The following TMTC1 variants were observed in gnomAD, a reference collection of about 807,000 sequenced individuals.
The protein encoded by TMTC1 is transmembrane O-mannosyltransferase targeting cadherins 1, also known as protein O-mannosyl-transferase TMTC1.
Under a neutral mutation model 104.8 loss-of-function variants are expected in TMTC1, and 73 were observed. The ratio of observed to expected loss-of-function variants is 0.70; its 90% confidence interval spans 0.58 to 0.85. TMTC1 has a LOEUF of 0.85. TMTC1 is among the 40% of genes least tolerant of loss of function. TMTC1 has a pLI of 0.00. For missense variants in TMTC1, 1,035 were observed against 1,096.1 expected (o/e 0.94, Z 0.79); for synonymous variants, 434 against 428.7 (o/e 1.01, Z -0.15).
intron 5 of TMTC1, among the ~76,000 whole-genome samples, chr12:29,685,786 A>G (rs1228564122): frequency 6.6e-6 from 1 of 152,152 alleles, no homozygotes; most frequent in African/African-American, 2.4e-5. Flanking sequence ...CCAAGATTAA[A>G]ATAAATCAAA....
At chr12:29,613,191 TAA>T (rs894472117) in intron 6 of TMTC1, among the ~76,000 whole-genome samples, 10 of 152,218 alleles carry the variant, frequency 6.6e-5, no homozygotes, top group African/African-American at 1.9e-4. Flanking sequence ...GATGCTGCTC[TAA>T]GAGATATGTG....
chr12:29,540,911 C>T (rs868460944), intron 10 of TMTC1, among the ~76,000 whole-genome samples: 24 of 151,952 alleles, frequency 1.6e-4, no homozygotes, highest in African/African-American at 4.3e-4. Flanking sequence ...AGGAGAATGG[C>T]GTGAACCTGG....
chr12:29,739,650 G>A (rs1265626297), intron 5 of TMTC1, among the ~76,000 whole-genome samples: 1 of 152,086 alleles, frequency 6.6e-6, no homozygotes, highest in Non-Finnish European at 1.5e-5. Flanking sequence ...TGAACAGAGA[G>A]GCTGTATGAA....
intron 5 of TMTC1, chr12:29,661,195 A>T: frequency 4.6e-6 from 1 of 217,504 alleles, no homozygotes. Flanking sequence ...AACAGGACTC[A>T]GCTCTGTTAG....
chr12:29,587,143 T>A (rs1946159081), intron 7 of TMTC1, among the ~76,000 whole-genome samples: 1 of 152,196 alleles, frequency 6.6e-6, no homozygotes, highest in African/African-American at 2.4e-5. Context: ...GAGATTCAAC[T>A]GCTTCCTGGT....
chr12:29,761,661 G>A (rs994340770), intron 2 of TMTC1, among the ~76,000 whole-genome samples: 1 of 151,576 alleles, frequency 6.6e-6, no homozygotes, highest in African/African-American at 2.4e-5. Context: ...CAAAGAACAG[G>A]TACCATAAGA....
chr12:29,696,579 T>G (rs1405820435), intron 5 of TMTC1, among the ~76,000 whole-genome samples: 1 of 152,224 alleles, frequency 6.6e-6, no homozygotes, highest in Admixed American at 6.5e-5. Context: ...ACCAATGTTA[T>G]TGCTTACTTT....
chr12:29,594,035 T>C (rs1461675785), intron 7 of TMTC1, among the ~76,000 whole-genome samples: 1 of 152,198 alleles, frequency 6.6e-6, no homozygotes, highest in Non-Finnish European at 1.5e-5. Context: ...GAACTGTCCA[T>C]ATTCAGGGCC....
At chr12:29,702,861 G>A (rs965223793) in intron 5 of TMTC1, among the ~76,000 whole-genome samples, 1 of 152,118 alleles carries the variant, frequency 6.6e-6, no homozygotes, top group African/African-American at 2.4e-5. Flanking sequence ...AATACAAACT[G>A]AGGCCAGGCA....
intron 5 of TMTC1, among the ~76,000 whole-genome samples, chr12:29,735,488 A>G (rs1020255709): frequency 6.6e-5 from 10 of 152,240 alleles, no homozygotes; most frequent in Non-Finnish European, 1.5e-4. Context: ...GTCACTCAAT[A>G]AATGTCAGCT....
chr12:29,539,619 T>G (rs1231896319), intron 10 of TMTC1, among the ~76,000 whole-genome samples: 1 of 152,222 alleles, frequency 6.6e-6, no homozygotes, highest in African/African-American at 2.4e-5. Flanking sequence ...GCATCTATTC[T>G]GCAGAACCTA....
chr12:29,501,717 T>G lies in TMTC1; in HGVS notation c.*5129A>C, dbSNP rs1395414957. Reference sequence around the variant, plus strand: ...CTCCAGGTAGGAGTCAATGGTGATCTATGCTTACAAACCAATAATGACCAT... The same window carrying G: ...CTCCAGGTAGGAGTCAATGGTGATCGATGCTTACAAACCAATAATGACCAT... On this transcript the variant is annotated 3_prime_UTR_variant, in exon 18 of 18. Coordinates refer to ENST00000539277, the MANE Select transcript of TMTC1 (RefSeq NM_001193451.2). The G allele has an allele frequency of 6.6e-6, 1 of 152,240 alleles. No individual in the cohort carries two copies. Among genetic ancestry groups the G allele is most frequent in the Non-Finnish European group, 1.5e-5 (1 of 68,046 alleles). 9.4% of individuals were successfully genotyped at this position (152,240 alleles called of 1,614,324 possible).
intron 5 of TMTC1, among the ~76,000 whole-genome samples, chr12:29,747,826 A>G (rs1942993049): frequency 6.6e-6 from 1 of 152,198 alleles, no homozygotes; most frequent in Non-Finnish European, 1.5e-5. Context: ...GACAACCAGC[A>G]TTTCACCCTT....
At chr12:29,775,698 T>C (rs1478234934) in intron 1 of TMTC1, among the ~76,000 whole-genome samples, 13 of 152,102 alleles carry the variant, frequency 8.5e-5, no homozygotes. Context: ...TAGGCACAAT[T>C]GATTGAAATC....
intron 5 of TMTC1, among the ~76,000 whole-genome samples, chr12:29,638,101 G>C (rs1591839032): frequency 6.6e-6 from 1 of 152,220 alleles, no homozygotes; most frequent in Non-Finnish European, 1.5e-5. Flanking sequence ...TCCCTGGCTA[G>C]GGCTCTACCC....
chr12:29,530,160 C>G (rs1322410314), intron 11 of TMTC1, among the ~76,000 whole-genome samples: 1 of 152,142 alleles, frequency 6.6e-6, no homozygotes, highest in Non-Finnish European at 1.5e-5. Flanking sequence ...AGTCCCCAAT[C>G]TGACTCAACA....
chr12:29,543,156 T>C (rs762048313), intron 10 of TMTC1, among the ~76,000 whole-genome samples: 12 of 152,194 alleles, frequency 7.9e-5, no homozygotes, highest in Non-Finnish European at 1.6e-4. Context: ...CACTTGTAGT[T>C]TCACAGGGAA....
intron 5 of TMTC1, among the ~76,000 whole-genome samples, chr12:29,654,457 G>A (rs1939662575): frequency 6.6e-6 from 1 of 152,194 alleles, no homozygotes; most frequent in South Asian, 2.1e-4. Flanking sequence ...AAAGACAAAT[G>A]TTGGTGAAAA....
At chr12:29,541,509 T>G (rs1944795314) in intron 10 of TMTC1, among the ~76,000 whole-genome samples, 1 of 152,172 alleles carries the variant, frequency 6.6e-6, no homozygotes, top group African/African-American at 2.4e-5. Flanking sequence ...TTTTCTTAAT[T>G]TTTAAAACCA....
Sources: allele counts gnomAD v4.1 joint callset (sites outside exome capture counted in the v4.1 genomes callset), GRCh38; gene constraint gnomAD v4.1.1; transcripts MANE v1.5; gene names NCBI Gene and HGNC (gene_info 2026-07-23, HGNC 2026-07-21).